The following ZNF608 variants were observed in gnomAD, a reference collection of about 807,000 sequenced individuals.
ZNF608 encodes zinc finger protein 608, also known as renal carcinoma antigen NY-REN-36.
ZNF608 carries 12 observed loss-of-function variants against 109.0 expected under a neutral mutation model. The ratio of observed to expected loss-of-function variants is 0.11; its 90% CI spans 0.07 to 0.18. The LOEUF (loss-of-function observed/expected upper bound fraction) is 0.18, where lower values mean the gene tolerates loss of function less well. Among genes scored for constraint, ZNF608 ranks in the 10% least tolerant of loss-of-function variants. ZNF608 has a pLI of 1.00. For synonymous variants in ZNF608, 732 were observed against 717.4 expected, an observed-to-expected ratio of 1.02 and a Z score of -0.33; for missense variants, 1,707 against 1,879.3, an observed-to-expected ratio of 0.91 and a Z score of 1.70.
chr5:124,666,006 A>C (rs1053160137), intron 3 of ZNF608, among the ~76,000 whole-genome samples: 4 of 152,260 alleles, frequency 2.6e-5, no homozygotes, highest in African/African-American at 7.2e-5. Flanking sequence ...GCAGAAAGCT[A>C]TCTCTCCATA....
chr5:124,729,198 G>A (rs1441404741), intron 2 of ZNF608, among the ~76,000 whole-genome samples: 2 of 152,198 alleles, frequency 1.3e-5, no homozygotes, highest in Non-Finnish European at 2.9e-5. Flanking sequence ...TTAAAAGAAG[G>A]CTCGTCCTGA....
At chr5:124,644,957 C>T (rs1750430752) in intron 5 of ZNF608, among the ~76,000 whole-genome samples, 1 of 152,186 alleles carries the variant, frequency 6.6e-6, no homozygotes, top group Non-Finnish European at 1.5e-5. Context: ...GGGCTTCAAA[C>T]TCAGGTCTGC....
At chr5:124,707,914 G>A (rs556149878) in intron 2 of ZNF608, 3 of 152,336 alleles carry the variant, frequency 2.0e-5, no homozygotes. Flanking sequence ...TAAATGTGAT[G>A]GAGACAACTC....
intron 2 of ZNF608, among the ~76,000 whole-genome samples, chr5:124,712,336 G>A (rs75313414): frequency 0.038 from 5,736 of 152,184 alleles, 208 homozygotes; most frequent in East Asian, 0.16. Context: ...GCAGAGGATC[G>A]CCTGTTGGGC....
intron 3 of ZNF608, among the ~76,000 whole-genome samples, chr5:124,678,105 G>C (rs926579123): frequency 6.6e-6 from 1 of 152,110 alleles, no homozygotes; most frequent in Admixed American, 6.5e-5. Flanking sequence ...AATGCTGCCC[G>C]TAAGTCAGCC....
In ZNF608 at chr5:124,637,017, G is replaced by T. The variant is rs928357498; in HGVS notation, c.*883C>A. ...TATACATTTTACATAAAATAAACTA[G>T]ATTACAGCATAAAACAAGTAACCAG... On this transcript the variant is annotated 3_prime_UTR_variant, in exon 10 of 10. Transcript: ENST00000513986. The T allele has an allele frequency of 1.4e-5, 2 of 147,730 alleles. No homozygotes were observed. Among genetic ancestry groups the T allele is most frequent in the African/African-American group, 5.0e-5 (2 of 39,962 alleles). The allele number at this position is 147,730 out of a possible 1,614,324, so 9.2% of individuals were successfully genotyped here. A position where few individuals can be genotyped will look rare whatever the true frequency, so the allele number is the denominator to read the frequency against.
In ZNF608 at chr5:124,647,469, T is replaced by C. The variant is rs769703239; in HGVS notation, c.2915A>G (p.Lys972Arg). Reference sequence around the variant, plus strand: ...AGAATGCCCTTTTACAACACTGTCCTTACTAGAAATAATATCTGATGGGGA... The same window carrying C: ...AGAATGCCCTTTTACAACACTGTCCCTACTAGAAATAATATCTGATGGGGA... ...ASSPSDIISS[K>R]DSVVKGHSST... Residue 972 changes from lysine to arginine, a missense_variant, in exon 5 of 10, where the codon AAG (lysine) becomes AGG (arginine). Transcript: ENST00000513986. 1 of 1,614,222 alleles carries C rather than the reference T, an allele frequency of 6.2e-7. No individual in the cohort carries two copies. The highest frequency in any genetic ancestry group is 2.2e-5 in the East Asian group (1 of 44,884).
At chr5:124,669,658 AACACACAC>A (rs56258363) in intron 3 of ZNF608, among the ~76,000 whole-genome samples, 4 of 148,270 alleles carry the variant, frequency 2.7e-5, no homozygotes, top group South Asian at 2.2e-4. Flanking sequence ...AACACACACA[AACACACAC>A]ACACACACAC....
intron 2 of ZNF608, among the ~76,000 whole-genome samples, chr5:124,716,990 G>A (rs1753729605): frequency 6.6e-6 from 1 of 152,040 alleles, no homozygotes; most frequent in Non-Finnish European, 1.5e-5. Context: ...GCTGAGGCAG[G>A]AGAATCACTT....
Position 124,647,931 on chromosome 5 carries a change from T to G in ZNF608, c.2453A>C (p.Lys818Thr). 2.5e-6 allele frequency: 4 copies of G among 1,614,160 alleles called. No individual in the cohort carries two copies. The highest frequency in any genetic ancestry group is 2.5e-6 in the Non-Finnish European group (3 of 1,180,026). Residue 818 changes from lysine to threonine, a missense_variant, in exon 5 of 10, where the codon AAG (lysine) becomes ACG (threonine). Physicochemically the swap from Lys to Thr is moderately conservative, Grantham distance 78. Coordinates refer to ENST00000513986, the MANE Select transcript of ZNF608 (RefSeq NM_020747.3). ...LKDKKKKEKR[K>T]LKDKEGKETG... is the part of the protein sequence containing the mutation. ...CTCTTTCCCTTCTTTGTCCTTTAGCTTTCGCTTCTCCTTTTTCTTTTTGTC... is the reference window on the plus strand; with the variant it reads ...CTCTTTCCCTTCTTTGTCCTTTAGCGTTCGCTTCTCCTTTTTCTTTTTGTC...
At chr5:124,713,167 A>G (rs894616875) in intron 2 of ZNF608, among the ~76,000 whole-genome samples, 1 of 151,474 alleles carries the variant, frequency 6.6e-6, no homozygotes, top group African/African-American at 2.4e-5. Context: ...CTCTCTTACT[A>G]CTCTTCTATC....
intron 3 of ZNF608, among the ~76,000 whole-genome samples, chr5:124,668,736 TTTCGGGAA>T (rs1751589522): frequency 1.3e-5 from 2 of 152,128 alleles, no homozygotes; most frequent in African/African-American, 4.8e-5. Context: ...CCCAGGAGCC[TTTCGGGAA>T]TTTTGCCCCA....
At chr5:124,709,170 C>CAAAAAAAAAAAAAAA (rs1156276798) in intron 2 of ZNF608, among the ~76,000 whole-genome samples, 7 of 32,714 alleles carry the variant, frequency 2.1e-4, no homozygotes, top group Admixed American at 5.2e-4. Context: ...GACTCTGTCT[C>CAAAAAAAAAAAAAAA]AAAAAAAAAA....
chr5:124,647,546 A>G lies in ZNF608; in HGVS notation c.2838T>C (p.Ala946=). The G allele has an allele frequency of 6.2e-7, 1 of 1,614,240 alleles. No individual in the cohort carries two copies. Among genetic ancestry groups the G allele is most frequent in the Non-Finnish European group, 8.5e-7 (1 of 1,180,040 alleles). ...SPAYSDISDA[A]DDGGSDSRSE... ...ACCTGCTGTCAGAACCACCATCGTC[A>G]GCAGCATCAGATATGTCTGAATAGG... The change falls in exon 5 of 10, where the codon GCT becomes GCC. Residue 946 remains alanine (A), a synonymous_variant. Coordinates refer to ENST00000513986, the MANE Select transcript of ZNF608 (RefSeq NM_020747.3).
chr5:124,646,907 A>C lies in ZNF608; in HGVS notation c.3477T>G (p.Thr1159=). The C allele has an allele frequency of 6.2e-7, 1 of 1,614,016 alleles. No individual in the cohort carries two copies. The highest frequency in any genetic ancestry group is 8.5e-7 in the Non-Finnish European group (1 of 1,179,990). ...TAGAATGGTTTTTGTTAGGCTCCGG[A>C]GTAGAGGGAGCTTTTGAGATTGTGG... The part of the protein sequence containing the change: ...PSATISKAPS[T]PEPNKNHSKL... Residue 1159 remains threonine, a synonymous_variant, in exon 5 of 10, where the codon ACT becomes ACG. Coordinates refer to ENST00000513986, the MANE Select transcript of ZNF608 (RefSeq NM_020747.3).
chr5:124,725,210 C>T (rs1258042292), intron 2 of ZNF608, among the ~76,000 whole-genome samples: 1 of 152,010 alleles, frequency 6.6e-6, no homozygotes, highest in Non-Finnish European at 1.5e-5. Context: ...TAAAATTCTT[C>T]TTTTCCACCA....
In ZNF608 at chr5:124,638,984, G is replaced by T. The variant is rs886605698; in HGVS notation, c.4532+149C>A. 32 of 839,150 alleles carry T rather than the reference G, an allele frequency of 3.8e-5. No individual in the cohort carries two copies. In the South Asian group the frequency reaches 4.9e-4, roughly 13 times the overall value. The allele number at this position is 839,150 out of a possible 1,614,324, so 52.0% of individuals were successfully genotyped here. A position where few individuals can be genotyped will look rare whatever the true frequency, so the allele number is the denominator to read the frequency against. ...TCATGGAATTTAAGTTGCATGTGAA[G>T]CAACTTATATTGGCATAATAAACAC... On this transcript the variant is annotated intron_variant, in intron 9 of 9. Transcript: ENST00000513986.
intron 3 of ZNF608, among the ~76,000 whole-genome samples, chr5:124,661,426 A>C (rs1561543807): frequency 6.6e-6 from 1 of 151,450 alleles, no homozygotes; most frequent in Non-Finnish European, 1.5e-5. Context: ...CAGCACTCAG[A>C]GGCTGCCTTC....
Position 124,744,569 on chromosome 5 carries a change from C to G in ZNF608, c.421G>C (p.Gly141Arg), listed in dbSNP as rs758693409. The change falls in exon 2 of 10, where the codon GGG becomes CGG. Residue 141 changes from glycine to arginine, a missense_variant. Physicochemically the swap from Gly to Arg is moderately radical, Grantham distance 125. Transcript: ENST00000513986. The surrounding 1 kb of genome is among the most constrained non-coding windows in gnomAD (Gnocchi z 4.5). ...ATGCCAGTTGCCTCTCCAGGGCGCC[C>G]TTGGACTTCCTGCCTCTTGCCAGTG... ...SSTGKRQEVQGRPGEATGMNS... is the reference protein window; with the variant it reads ...SSTGKRQEVQRRPGEATGMNS... 8.1e-6 allele frequency: 13 copies of G among 1,614,102 alleles called. No homozygotes were observed. Among genetic ancestry groups the G allele is most frequent in the Non-Finnish European group, 1.0e-5 (12 of 1,180,052 alleles).
Sources: gnomAD v4.1 joint callset for allele counts (sites outside exome capture counted in the v4.1 genomes callset) on GRCh38, gnomAD v4.1.1 for gene constraint, Gnocchi (gnomAD v3.1) non-coding constraint, MANE v1.5 for transcripts, NCBI Gene and HGNC (gene_info 2026-07-23, HGNC 2026-07-21) for gene names.